The following XPO6 variants were observed in gnomAD, a reference collection of about 807,000 sequenced individuals.
The protein encoded by XPO6 is exportin 6.
XPO6 carries 3 observed loss-of-function variants against 130.0 expected under a neutral mutation model. The ratio of observed to expected loss-of-function variants is 0.02; its 90% CI spans 0.01 to 0.06. XPO6 has a LOEUF of 0.06. Among genes scored for constraint, XPO6 ranks in the 10% least tolerant of loss-of-function variants. The pLI, the probability that XPO6 is intolerant of heterozygous loss-of-function variation, is 1.00. For synonymous variants in XPO6, 524 were observed against 548.9 expected (o/e 0.95, Z 0.63); for missense variants, 970 against 1,393.0 (o/e 0.70, Z 4.83).
intron 23 of XPO6, among the ~76,000 whole-genome samples, chr16:28,100,265 C>A (rs2141224308): frequency 6.6e-6 from 1 of 152,374 alleles, no homozygotes; most frequent in East Asian, 1.9e-4. Flanking sequence ...GCTGAGATTA[C>A]AGGTGTGAGA....
chr16:28,180,830 T>C, intron 2 of XPO6, 111 bp downstream of exon 2: 2 of 790,790 alleles, frequency 2.5e-6, no homozygotes, highest in Non-Finnish European at 3.8e-6. Flanking sequence ...AGAGCAAGAA[T>C]TCAAGTGGAA....
intron 20 of XPO6, among the ~76,000 whole-genome samples, chr16:28,105,526 A>G (rs1360281534): frequency 2.0e-5 from 3 of 152,258 alleles, no homozygotes; most frequent in Non-Finnish European, 4.4e-5. Context: ...CAGTTCAGAC[A>G]GTTAAAGATT....
chr16:28,196,599 T>C (rs2043868120), intron 1 of XPO6, among the ~76,000 whole-genome samples: 1 of 152,226 alleles, frequency 6.6e-6, no homozygotes, highest in Non-Finnish European at 1.5e-5. Context: ...TGTCTCCACC[T>C]AATCTCATGC....
intron 1 of XPO6, chr16:28,183,442 A>G (rs1265652700): frequency 6.6e-6 from 1 of 152,008 alleles, no homozygotes; most frequent in African/African-American, 2.4e-5. Context: ...AAAAAAAAAA[A>G]AAAAAAACCC....
chr16:28,165,463 ATAAT>A (rs923520408), intron 6 of XPO6: 1 of 152,210 alleles, frequency 6.6e-6, no homozygotes, highest in Admixed American at 6.5e-5. Context: ...CTAGAACTCT[ATAAT>A]TGTTTGTAAT....
chr16:28,098,383 C>G lies in XPO6; in HGVS notation c.*155G>C. ...AGAAGCCAGCTCTGCTGGGCAGCGG[C>G]AAGATGTGGAGGAGCGGCAGAGGCA... is the stretch of plus-strand genomic sequence containing the variant. On this transcript the variant is annotated 3_prime_UTR_variant, in exon 24 of 24. Coordinates refer to ENST00000304658, the MANE Select transcript of XPO6 (RefSeq NM_015171.4). 4.7e-6 allele frequency: 3 copies of G among 642,964 alleles called. No homozygotes were observed. The highest frequency in any genetic ancestry group is 8.0e-6 in the Non-Finnish European group (3 of 374,050). The allele number at this position is 642,964 out of a possible 1,614,324, so 39.8% of individuals were successfully genotyped here.
In XPO6 at chr16:28,211,904, C is replaced by T. The variant is rs2044140267; in HGVS notation, c.-536G>A. Reference sequence around the variant, plus strand: ...TAGAGCATCCTTGCGCGCGCCCGCCCTGGAGCCGCCCGCTAGTACCGCGCG... The same window carrying T: ...TAGAGCATCCTTGCGCGCGCCCGCCTTGGAGCCGCCCGCTAGTACCGCGCG... On this transcript the variant is annotated 5_prime_UTR_variant, in exon 1 of 24. Coordinates refer to ENST00000304658, the MANE Select transcript of XPO6 (RefSeq NM_015171.4). 1 of 155,882 alleles carries T rather than the reference C, an allele frequency of 6.4e-6. No individual in the cohort carries two copies. Among genetic ancestry groups the T allele is most frequent in the African/African-American group, 2.4e-5 (1 of 41,580 alleles). 9.7% of individuals were successfully genotyped at this position (155,882 alleles called of 1,614,324 possible).
At chr16:28,134,300 G>T (rs1260396676) in intron 10 of XPO6, among the ~76,000 whole-genome samples, 1 of 152,190 alleles carries the variant, frequency 6.6e-6, no homozygotes, top group Non-Finnish European at 1.5e-5. Flanking sequence ...CACTCAGAAT[G>T]GGGTCCACAG....
chr16:28,151,201 C>G (rs1275612118), intron 8 of XPO6, among the ~76,000 whole-genome samples: 1 of 40,696 alleles, frequency 2.5e-5, no homozygotes, highest in African/African-American at 6.1e-5. Context: ...AAAAAAAAGG[C>G]TACTTCTAAA....
intron 5 of XPO6, among the ~76,000 whole-genome samples, chr16:28,167,837 T>C (rs1292886448): frequency 6.6e-6 from 1 of 151,944 alleles, no homozygotes. Context: ...GATCACATAT[T>C]GTATGCTTCC....
chr16:28,169,367 C>T (rs1444503040), intron 5 of XPO6, among the ~76,000 whole-genome samples: 2 of 152,190 alleles, frequency 1.3e-5, no homozygotes, highest in African/African-American at 2.4e-5. Flanking sequence ...TTACCCAGAA[C>T]GGGAAATTTT....
rs376469314 is a variant in XPO6, at chr16:28,112,883, G to A, written c.2151+21C>T. The A allele has an allele frequency of 8.3e-5, 134 of 1,607,214 alleles. No individual in the cohort carries two copies. The East Asian group carries it at 1.6e-3, about 19-fold the overall frequency. On this transcript the variant is annotated intron_variant, in intron 16 of 23. Transcript: ENST00000304658. ...TCAGTCACACAGCCCTGGGGACCCC[G>A]GGGGAGCTCTGGGGCCTCACCTTAT...
chr16:28,125,927 C>A (rs39631), intron 12 of XPO6, 79 bp from the exon 13 acceptor site: 421,826 of 1,524,640 alleles, frequency 0.28, 60,941 homozygotes, highest in Middle Eastern at 0.34. Context: ...GTCCAGCAAG[C>A]CACACACAGC....
At chr16:28,136,219 T>TTGTTC (rs2042772425) in intron 9 of XPO6, among the ~76,000 whole-genome samples, 1 of 152,046 alleles carries the variant, frequency 6.6e-6, no homozygotes, top group African/African-American at 2.4e-5. Context: ...TTGTTTTGTT[T>TTGTTC]TGTTTTGTTT....
At chr16:28,192,450 T>C (rs2043802344) in intron 1 of XPO6, among the ~76,000 whole-genome samples, 2 of 152,012 alleles carry the variant, frequency 1.3e-5, no homozygotes, top group Non-Finnish European at 2.9e-5. Flanking sequence ...AAAGCTGCAA[T>C]GCCTCGCCCT....
intron 1 of XPO6, 94 bp downstream of exon 1, chr16:28,211,272 T>G: frequency 2.4e-6 from 3 of 1,232,424 alleles, no homozygotes; most frequent in Non-Finnish European, 3.1e-6. Context: ...CTCCCCGCCA[T>G]GGGGAGAGCA....
chr16:28,100,933 GT>G (rs1203721112), intron 23 of XPO6: 1 of 217,634 alleles, frequency 4.6e-6, no homozygotes, highest in Non-Finnish European at 9.3e-6. Flanking sequence ...AAGAGGGTGA[GT>G]ACTAGGAGGG....
At chr16:28,175,190 T>C (rs1027712978) in intron 4 of XPO6, among the ~76,000 whole-genome samples, 3 of 151,948 alleles carry the variant, frequency 2.0e-5, no homozygotes, top group Non-Finnish European at 2.9e-5. Flanking sequence ...CCTGCCCCCA[T>C]CCCCTGGGTG....
chr16:28,103,726 G>A (rs1490948133), intron 21 of XPO6, among the ~76,000 whole-genome samples: 2 of 152,054 alleles, frequency 1.3e-5, no homozygotes, highest in African/African-American at 4.8e-5. Flanking sequence ...CCAGGGATGG[G>A]AAGGCCAGGG....
Sources: allele counts gnomAD v4.1 joint callset (sites outside exome capture counted in the v4.1 genomes callset), GRCh38; gene constraint gnomAD v4.1.1; transcripts MANE v1.5; gene names NCBI Gene and HGNC (gene_info 2026-07-23, HGNC 2026-07-21).